The following SAMD4A variants were observed in gnomAD, a reference collection of about 807,000 sequenced individuals.
SAMD4A encodes sterile alpha motif domain containing 4A, also known as protein Smaug homolog 1.
In SAMD4A, 33 loss-of-function variants were observed where a neutral mutation model predicts 81.3. That is an observed-to-expected ratio of 0.41 (90% CI 0.31 to 0.54). The LOEUF is 0.54. Among genes scored for constraint, SAMD4A ranks in the 20% least tolerant of loss-of-function variants. The pLI is 0.37. For synonymous variants in SAMD4A, 389 were observed against 382.1 expected, an observed-to-expected ratio of 1.02 and a Z score of -0.21; for missense variants, 854 against 951.1, an observed-to-expected ratio of 0.90 and a Z score of 1.34.
chr14:54,654,563 A>G (rs1257238340), intron 2 of SAMD4A, among the ~76,000 whole-genome samples: 2 of 152,212 alleles, frequency 1.3e-5, no homozygotes, highest in Non-Finnish European at 2.9e-5. Context: ...AGAAGTAAGG[A>G]TATTAAAAAC....
intron 2 of SAMD4A, among the ~76,000 whole-genome samples, chr14:54,609,308 T>A (rs2034297927): frequency 6.6e-6 from 1 of 152,226 alleles, no homozygotes; most frequent in Non-Finnish European, 1.5e-5. Flanking sequence ...AGCCAAGGAA[T>A]GCAGGCAGCC....
chr14:54,697,892 G>A (rs1344265401), intron 2 of SAMD4A, among the ~76,000 whole-genome samples: 26 of 152,136 alleles, frequency 1.7e-4, no homozygotes, highest in Admixed American at 1.6e-3. Context: ...ACGAGGCCTC[G>A]GTTCCTCACT....
In SAMD4A at chr14:54,567,671, A is replaced by G. The variant is rs74519933; in HGVS notation, c.-246A>G. ...TTTAAAAAGTCGTTTTTTTTTTTAA[A>G]GAAACATTTCCGTGCTACTGTCTGT... On this transcript the variant is annotated 5_prime_UTR_variant, in exon 2 of 13. Coordinates refer to ENST00000554335, the MANE Select transcript of SAMD4A (RefSeq NM_015589.6). 4.2e-6 allele frequency: 2 copies of G among 481,680 alleles called. No homozygotes were observed. Among genetic ancestry groups the G allele is most frequent in the Non-Finnish European group, 7.3e-6 (2 of 275,850 alleles). 29.8% of individuals were successfully genotyped at this position (481,680 alleles called of 1,614,324 possible). A position where few individuals can be genotyped will look rare whatever the true frequency, so the allele number is the denominator to read the frequency against.
At chr14:54,652,504 T>C (rs2035426043) in intron 2 of SAMD4A, among the ~76,000 whole-genome samples, 2 of 152,286 alleles carry the variant, frequency 1.3e-5, no homozygotes, top group South Asian at 4.1e-4. Context: ...TTAATTATAT[T>C]CCTTCTCTGC....
chr14:54,670,491 G>A (rs2035856738), intron 2 of SAMD4A, among the ~76,000 whole-genome samples: 1 of 152,038 alleles, frequency 6.6e-6, no homozygotes, highest in Non-Finnish European at 1.5e-5. Context: ...GCCTGGGGGA[G>A]GCAGAACTGG....
chr14:54,621,288 C>T (rs535330555), intron 2 of SAMD4A, among the ~76,000 whole-genome samples: 2 of 152,290 alleles, frequency 1.3e-5, no homozygotes, highest in Admixed American at 1.3e-4. Context: ...AAGCAAGACC[C>T]TCCTGGTTAA....
intron 4 of SAMD4A, among the ~76,000 whole-genome samples, chr14:54,743,156 G>A (rs2037886197): frequency 6.6e-6 from 1 of 152,228 alleles, no homozygotes; most frequent in Admixed American, 6.5e-5. Flanking sequence ...GAGTGATGGA[G>A]TGGGAGTGGC....
intron 2 of SAMD4A, among the ~76,000 whole-genome samples, chr14:54,672,201 G>A (rs1347643417): frequency 1.3e-5 from 2 of 151,748 alleles, no homozygotes; most frequent in East Asian, 1.9e-4. Context: ...CTGGGAGTAC[G>A]GGCATATGCC....
chr14:54,730,203 T>C (rs1345869986), intron 3 of SAMD4A, among the ~76,000 whole-genome samples: 1 of 152,188 alleles, frequency 6.6e-6, no homozygotes, highest in Non-Finnish European at 1.5e-5. Flanking sequence ...GGACTCACGG[T>C]ACTAGGAAAG....
intron 2 of SAMD4A, among the ~76,000 whole-genome samples, chr14:54,692,506 G>A (rs2036466478): frequency 6.6e-6 from 1 of 152,200 alleles, no homozygotes; most frequent in Non-Finnish European, 1.5e-5. Context: ...AGAGCCTCTT[G>A]TGCAACAGGG....
intron 2 of SAMD4A, among the ~76,000 whole-genome samples, chr14:54,671,718 T>A (rs2035884133): frequency 6.6e-6 from 1 of 152,238 alleles, no homozygotes; most frequent in Non-Finnish European, 1.5e-5. Flanking sequence ...TGAACCTGTC[T>A]CAGAGTAGGT....
chr14:54,765,358 C>T lies in SAMD4A; in HGVS notation c.1596+818C>T, dbSNP rs563049609. 2.0e-5 allele frequency among the ~76,000 whole-genome samples: 3 copies of T among 151,738 alleles called. No individual in the cohort carries two copies. In the South Asian group the frequency reaches 6.3e-4, roughly 32 times the overall value. On this transcript the variant is annotated intron_variant, in intron 8 of 12. Transcript: ENST00000554335. ...TAGTAAGGGGGCCGGGGTGGTGGGT[C>T]ACACCTGTAATCCCCACACTTTGGG...
chr14:54,717,890 T>G (rs561041921), intron 3 of SAMD4A, among the ~76,000 whole-genome samples: 74 of 151,976 alleles, frequency 4.9e-4, no homozygotes, highest in African/African-American at 1.7e-3. Flanking sequence ...GAAGGTTTTT[T>G]TTTTTTTTTT....
At chr14:54,752,008 A>G (rs2038114451) in intron 6 of SAMD4A, among the ~76,000 whole-genome samples, 1 of 152,206 alleles carries the variant, frequency 6.6e-6, no homozygotes, top group Non-Finnish European at 1.5e-5. Flanking sequence ...TACACTGCAG[A>G]TAGTGGGGTT....
chr14:54,669,678 A>G (rs1013726498), intron 2 of SAMD4A, among the ~76,000 whole-genome samples: 10 of 152,022 alleles, frequency 6.6e-5, no homozygotes, highest in African/African-American at 2.2e-4. Flanking sequence ...GGCCCCCACT[A>G]GGTATTGCTG....
chr14:54,614,959 A>G (rs893652061), intron 2 of SAMD4A, among the ~76,000 whole-genome samples: 7 of 152,174 alleles, frequency 4.6e-5, no homozygotes, highest in Admixed American at 4.6e-4. Flanking sequence ...TTACTGCACC[A>G]TCTTTCTTTG....
upstream of SAMD4A, among the ~76,000 whole-genome samples, chr14:54,566,787 C>T: frequency 6.6e-6 from 1 of 152,098 alleles, no homozygotes; most frequent in East Asian, 1.9e-4. Flanking sequence ...GCACAGTGAC[C>T]GCTCCGGCCG....
intron 3 of SAMD4A, among the ~76,000 whole-genome samples, chr14:54,715,371 A>C (rs2037092705): frequency 6.6e-6 from 1 of 151,990 alleles, no homozygotes; most frequent in Non-Finnish European, 1.5e-5. Flanking sequence ...AGTGCTGCTG[A>C]TGAGTCGATA....
At chr14:54,649,602 G>A (rs955440704) in intron 2 of SAMD4A, among the ~76,000 whole-genome samples, 9 of 152,148 alleles carry the variant, frequency 5.9e-5, no homozygotes, top group East Asian at 5.8e-4. Flanking sequence ...TTGTCGTGTC[G>A]CAAGTCAATT....
Sources: allele counts gnomAD v4.1 joint callset (sites outside exome capture counted in the v4.1 genomes callset), GRCh38; gene constraint gnomAD v4.1.1; transcripts MANE v1.5; gene names NCBI Gene and HGNC (gene_info 2026-07-23, HGNC 2026-07-21).